Variants in CCDC122 observed in about 807,000 individuals in gnomAD.
CCDC122 encodes coiled-coil domain containing 122.
A neutral mutation model predicts 37.0 loss-of-function variants in CCDC122; 38 were observed. That is an observed-to-expected ratio of 1.03 (90% CI 0.79 to 1.35). The LOEUF (loss-of-function observed/expected upper bound fraction) is 1.35, where lower values mean the gene tolerates loss of function less well. CCDC122 is among the 40% of genes most tolerant of loss of function. The pLI, the probability that CCDC122 is intolerant of heterozygous loss-of-function variation, is 0.00. For missense variants in CCDC122, 305 were observed against 310.0 expected, an observed-to-expected ratio of 0.98 and a Z score of 0.12; for synonymous variants, 83 against 95.6, an observed-to-expected ratio of 0.87 and a Z score of 0.77.
At chr13:43,840,683 T>C (rs548906201) in intron 6 of CCDC122, among the ~76,000 whole-genome samples, 36 of 152,054 alleles carry the variant, frequency 2.4e-4, no homozygotes, top group African/African-American at 8.4e-4. Flanking sequence ...GGTTTCCAGC[T>C]TCATCCATGT....
At chr13:43,849,939 G>T (rs535312722) in intron 6 of CCDC122, among the ~76,000 whole-genome samples, 18 of 152,256 alleles carry the variant, frequency 1.2e-4, no homozygotes, top group Middle Eastern at 3.4e-3. Flanking sequence ...GAGGATCCTG[G>T]ACTTCTCCGC....
At chr13:43,858,289 A>G (rs185855088) in intron 6 of CCDC122, 1 of 152,500 alleles carries the variant, frequency 6.6e-6, no homozygotes, top group East Asian at 1.9e-4. Context: ...GCAGCACCAC[A>G]ACACATTATG....
chr13:43,860,744 A>C (rs1299540067), intron 4 of CCDC122, among the ~76,000 whole-genome samples: 1 of 152,092 alleles, frequency 6.6e-6, no homozygotes. Flanking sequence ...CTCACTCTCT[A>C]TATATGCTCC....
chr13:43,844,570 A>G (rs374590547), intron 6 of CCDC122, among the ~76,000 whole-genome samples: 36 of 152,204 alleles, frequency 2.4e-4, no homozygotes, highest in African/African-American at 8.2e-4. Flanking sequence ...TGTTCTATCA[A>G]TTACTCAAAA....
At chr13:43,873,671 A>C (rs1025252998) in intron 2 of CCDC122, among the ~76,000 whole-genome samples, 7 of 152,298 alleles carry the variant, frequency 4.6e-5, no homozygotes, top group African/African-American at 1.2e-4. Context: ...TACAAGCTGC[A>C]TGCAGTTCTT....
intron 6 of CCDC122, among the ~76,000 whole-genome samples, chr13:43,843,403 A>G (rs1953420961): frequency 1.3e-5 from 2 of 152,028 alleles, no homozygotes; most frequent in Non-Finnish European, 2.9e-5. Context: ...TTCTTAGGAT[A>G]ATCCCACTTG....
At chr13:43,838,196 T>A (rs1207744466) in intron 6 of CCDC122, among the ~76,000 whole-genome samples, 4 of 152,198 alleles carry the variant, frequency 2.6e-5, no homozygotes, top group Non-Finnish European at 4.4e-5. Flanking sequence ...TTTATTAAAT[T>A]TAAATTTGTC....
intron 4 of CCDC122, among the ~76,000 whole-genome samples, chr13:43,866,318 T>A (rs961799233): frequency 2.0e-5 from 3 of 152,216 alleles, no homozygotes; most frequent in African/African-American, 7.2e-5. Context: ...CAAGTTGGCA[T>A]CCAGAGAATC....
At chr13:43,822,852 C>A (rs112771936), downstream of CCDC122, among the ~76,000 whole-genome samples, 1 of 152,092 alleles carries the variant, frequency 6.6e-6, no homozygotes, top group Non-Finnish European at 1.5e-5. Context: ...GGCTCCCCTT[C>A]TTTTATAAGG....
rs537802513 is a variant in CCDC122 at position 43,847,592 on chromosome 13, C to G, written c.673-10163G>C. Among the ~76,000 whole-genome samples, 4 of 151,970 alleles carry G rather than the reference C, an allele frequency of 2.6e-5. No homozygotes were observed. In the East Asian group the frequency reaches 7.7e-4, roughly 29 times the overall value. ...ATTATGGGGAATTTAAATAGGATAG[C>G]CTATAAAAAGTGCCACAAAAATACC... On this transcript the variant is annotated intron_variant, in intron 6 of 6. Coordinates refer to ENST00000444614, the MANE Select transcript of CCDC122 (RefSeq NM_144974.5).
downstream of CCDC122, among the ~76,000 whole-genome samples, chr13:43,834,734 G>C (rs34854000): frequency 9.5e-3 from 1,453 of 152,296 alleles, 11 homozygotes; most frequent in Non-Finnish European, 0.015. Context: ...GGCCATCAGA[G>C]AAATGCAAAT....
Position 43,858,864 on chromosome 13 carries a change from T to A in CCDC122, c.589A>T (p.Thr197Ser), listed in dbSNP as rs764043222. The A allele has an allele frequency of 4.3e-6, 6 of 1,407,578 alleles. No homozygotes were observed. In the South Asian group the frequency reaches 8.4e-5, roughly 20 times the overall value. The allele number at this position is 1,407,578 out of a possible 1,614,324, so 87.2% of individuals were successfully genotyped here. ...TTTTCAATGATAGATTCTTTTACAG[T>A]TATAATTTTATCCTTTAAGTTTGTA... ...DITNLKDKIITVKESIIEKTC... is the reference protein window; with the variant it reads ...DITNLKDKIISVKESIIEKTC... The change falls in exon 6 of 7, where the codon ACT becomes TCT. Residue 197 changes from threonine to serine, a missense_variant. Physicochemically the swap from Thr to Ser is moderately conservative, Grantham distance 58. Transcript: ENST00000444614.
intron 3 of CCDC122, among the ~76,000 whole-genome samples, chr13:43,826,349 T>C (rs1168174426): frequency 1.3e-5 from 2 of 152,212 alleles, no homozygotes; most frequent in Non-Finnish European, 2.9e-5. Context: ...ATAGTTAATA[T>C]CATAAAACAC....
chr13:43,829,265 T>G (rs563309337), intron 3 of CCDC122, among the ~76,000 whole-genome samples: 70 of 152,324 alleles, frequency 4.6e-4, no homozygotes, highest in Middle Eastern at 3.4e-3. Context: ...GAGCTGTAGA[T>G]GTGATAATGA....
chr13:43,837,064 T>A lies in CCDC122; in HGVS notation c.*216A>T, dbSNP rs1341952416. The A allele has an allele frequency of 1.2e-5, 6 of 496,052 alleles. No individual in the cohort carries two copies. Among genetic ancestry groups the A allele is most frequent in the Non-Finnish European group, 2.1e-5 (6 of 281,056 alleles). 30.7% of individuals were successfully genotyped at this position (496,052 alleles called of 1,614,324 possible). ...CTCTTGCATTATTTTCCCGTAGACA[T>A]TCCTATTGTCTGTCTACTGCTATCA... On this transcript the variant is annotated 3_prime_UTR_variant, in exon 7 of 7. Transcript: ENST00000444614.
At chr13:43,865,121 C>A (rs564511561) in intron 4 of CCDC122, among the ~76,000 whole-genome samples, 1 of 152,254 alleles carries the variant, frequency 6.6e-6, no homozygotes, top group Admixed American at 6.5e-5. Context: ...TTGGCTATTC[C>A]TGAGTTGTGT....
intron 6 of CCDC122, among the ~76,000 whole-genome samples, chr13:43,844,059 C>T (rs1953439662): frequency 2.0e-5 from 3 of 150,338 alleles, no homozygotes; most frequent in Non-Finnish European, 4.4e-5. Context: ...TGTTATCTAT[C>T]ATTTAATTCC....
chr13:43,859,757 T>C lies in CCDC122; in HGVS notation c.470A>G (p.Asp157Gly). 6.3e-7 allele frequency: 1 copy of C among 1,598,286 alleles called. No individual in the cohort carries two copies. The highest frequency in any genetic ancestry group is 8.5e-7 in the Non-Finnish European group (1 of 1,175,666). Residue 157 changes from aspartate to glycine, a missense_variant, in exon 5 of 7, where the codon GAT (aspartate) becomes GGT (glycine). Coordinates refer to ENST00000444614, the MANE Select transcript of CCDC122 (RefSeq NM_144974.5). ...SFMTELHEKR[D>G]FVKKLKTMKE... ...CATTGTCTTTAATTTTTTAACAAAA[T>C]CTCGCTTTTCATGGAGTTCAGTCAT...
intron 2 of CCDC122, among the ~76,000 whole-genome samples, chr13:43,873,929 T>A (rs1049795195): frequency 6.6e-6 from 1 of 152,152 alleles, no homozygotes; most frequent in Non-Finnish European, 1.5e-5. Flanking sequence ...GGTGTCTAAT[T>A]ATAGTCTATC....
Sources: allele counts gnomAD v4.1 joint callset (sites outside exome capture counted in the v4.1 genomes callset), GRCh38; gene constraint gnomAD v4.1.1; transcripts MANE v1.5; gene names NCBI Gene and HGNC (gene_info 2026-07-23, HGNC 2026-07-21).